The following ZNF607 variants were observed in gnomAD, a reference collection of about 807,000 sequenced individuals.
ZNF607 encodes zinc finger protein 607.
In ZNF607, 5 loss-of-function variants were observed where a neutral mutation model predicts 12.8. The observed-to-expected ratio is 0.39, with a 90% confidence interval of 0.20 to 0.82. The LOEUF is 0.82. Among genes scored for constraint, ZNF607 ranks in the 40% least tolerant of loss-of-function variants. The pLI, the probability that ZNF607 is intolerant of heterozygous loss-of-function variation, is 0.39. For missense variants in ZNF607, 851 were observed against 859.2 expected, an observed-to-expected ratio of 0.99 and a Z score of 0.12; for synonymous variants, 287 against 276.2, an observed-to-expected ratio of 1.04 and a Z score of -0.39.
chr19:37,699,566 C>T lies in ZNF607; in HGVS notation c.565G>A (p.Gly189Arg). The T allele has an allele frequency of 6.2e-7, 1 of 1,614,014 alleles. No individual in the cohort carries two copies. The highest frequency in any genetic ancestry group is 8.5e-7 in the Non-Finnish European group (1 of 1,180,006). The part of the protein sequence containing the change: ...FSYPANLAQH[G>R]KVHVEKPYEC... ...TAGGGTTTCTCAACATGAACTTTCCCATGTTGAGCAAGGTTTGCAGGATAA... is the reference window on the plus strand; with the variant it reads ...TAGGGTTTCTCAACATGAACTTTCCTATGTTGAGCAAGGTTTGCAGGATAA... The change falls in exon 5 of 5, where the codon GGG becomes AGG. Residue 189 changes from glycine (G) to arginine (R), a missense_variant. Physicochemically the swap from Gly to Arg is moderately radical, Grantham distance 125. Coordinates refer to ENST00000355202, the MANE Select transcript of ZNF607 (RefSeq NM_032689.5).
At chr19:37,712,296 A>AT (rs1568407365) in intron 1 of ZNF607, among the ~76,000 whole-genome samples, 1 of 152,218 alleles carries the variant, frequency 6.6e-6, no homozygotes, top group Admixed American at 6.6e-5. Context: ...CAATACATTT[A>AT]TTTTTGTAAA....
At chr19:37,707,830 G>A in intron 4 of ZNF607, 84 bp downstream of exon 4, 1 of 1,013,234 alleles carries the variant, frequency 9.9e-7, no homozygotes, top group South Asian at 1.5e-5. Flanking sequence ...AATGTTTCAA[G>A]GATGCGTTTA....
chr19:37,699,707 C>T lies in ZNF607; in HGVS notation c.424G>A (p.Asp142Asn). The T allele has an allele frequency of 6.2e-7, 1 of 1,614,044 alleles. No individual in the cohort carries two copies. The highest frequency in any genetic ancestry group is 1.3e-5 in the African/African-American group (1 of 75,032). ...HQTIHTSEEP[D>N]QCEKFRKAFS... ...GCCTTCCTAAACTTTTCACATTGAT[C>T]AGGTTCCTCACTAGTATGAATTGTT... The change falls in exon 5 of 5, where the codon GAT becomes AAT. Residue 142 changes from aspartate to asparagine, a missense_variant. Asp to Asn is a conservative substitution (Grantham distance 23). Transcript: ENST00000355202.
In ZNF607 at chr19:37,697,074, A is replaced by G; in HGVS notation, c.*966T>C. 1 of 741,936 alleles carries G rather than the reference A, an allele frequency of 1.3e-6. No homozygotes were observed. Among genetic ancestry groups the G allele is most frequent in the East Asian group, 2.6e-5 (1 of 38,722 alleles). The allele number at this position is 741,936 out of a possible 1,614,324, so 46.0% of individuals were successfully genotyped here. Reference sequence around the variant, plus strand: ...CACACACTCATCGTAGTCCTCTCCAATGCTGGTGAAGATGCGAGGAAGCTG... The same window carrying G: ...CACACACTCATCGTAGTCCTCTCCAGTGCTGGTGAAGATGCGAGGAAGCTG... On this transcript the variant is annotated 3_prime_UTR_variant, in exon 5 of 5. Coordinates refer to ENST00000355202, the MANE Select transcript of ZNF607 (RefSeq NM_032689.5).
rs142136563 is a variant in ZNF607 at position 37,709,756 on chromosome 19, C to T, written c.76G>A (p.Val26Ile). Residue 26 changes from valine to isoleucine, a missense_variant, in exon 3 of 5, where the codon GTT (valine) becomes ATT (isoleucine). By Grantham distance (29) the Val-to-Ile change is conservative (BLOSUM62 3). Coordinates refer to ENST00000355202, the MANE Select transcript of ZNF607 (RefSeq NM_032689.5). Reference protein sequence around the residue: ...SHQEWEYLSLVQKTLYQEVMM... With the variant: ...SHQEWEYLSLIQKTLYQEVMM... ...ACCTCCTGGTACAAGGTCTTCTGAACCAGGCTGAGATATTCCCACTCCTGA... is the reference window on the plus strand; with the variant it reads ...ACCTCCTGGTACAAGGTCTTCTGAATCAGGCTGAGATATTCCCACTCCTGA... 15 of 1,614,136 alleles carry T rather than the reference C, an allele frequency of 9.3e-6. No homozygotes were observed. The East Asian group carries it at 1.1e-4, about 12-fold the overall frequency.
chr19:37,708,321 G>A (rs935927398), intron 3 of ZNF607, among the ~76,000 whole-genome samples: 4 of 151,424 alleles, frequency 2.6e-5, no homozygotes, highest in Non-Finnish European at 4.4e-5. Flanking sequence ...TCAGTCTCCT[G>A]AGTAGCTGGG....
At chr19:37,710,358 C>A (rs1489391549) in intron 2 of ZNF607, among the ~76,000 whole-genome samples, 2 of 151,390 alleles carry the variant, frequency 1.3e-5, no homozygotes, top group Admixed American at 1.3e-4. Flanking sequence ...CCCAGCTACT[C>A]AGGAGGCTGA....
chr19:37,713,214 A>C (rs961159534), intron 1 of ZNF607, among the ~76,000 whole-genome samples: 1 of 151,998 alleles, frequency 6.6e-6, no homozygotes, highest in Non-Finnish European at 1.5e-5. Flanking sequence ...TGCTATACTC[A>C]GACTGATGTC....
At chr19:37,701,357 CGATTACCTACTCCACCCTAAATCATTCT>C (rs2045037164) in intron 4 of ZNF607, among the ~76,000 whole-genome samples, 1 of 152,156 alleles carries the variant, frequency 6.6e-6, no homozygotes, top group African/African-American at 2.4e-5. Context: ...CAACCTTTTT[CGATTACCTACTCCACCCTAAATCATTCT>C]GATCACCTGC....
At chr19:37,711,483 T>C (rs1373333535) in intron 2 of ZNF607, 127 bp downstream of exon 2, 3 of 943,926 alleles carry the variant, frequency 3.2e-6, no homozygotes, top group African/African-American at 3.3e-5. Context: ...ACTGGAAGAA[T>C]GAGAACTGGA....
At chr19:37,707,782 A>G in intron 4 of ZNF607, 132 bp downstream of exon 4, 1 of 676,614 alleles carries the variant, frequency 1.5e-6, no homozygotes, top group Non-Finnish European at 2.5e-6. Context: ...TCTTCTCCAC[A>G]TCAGAAGCCT....
In ZNF607 at chr19:37,698,746, G is replaced by A. The variant is rs2045005552; in HGVS notation, c.1385C>T (p.Ser462Leu). ...KECGKSFRCA[S>L]YLVIHERIHT... is the part of the protein sequence containing the mutation. ...AATTCTCTCATGTATAACAAGATAT[G>A]AGGCACAACGAAAGGACTTCCCACA... Residue 462 changes from serine (S) to leucine (L), a missense_variant, in exon 5 of 5, where the codon TCA (serine) becomes TTA (leucine). Coordinates refer to ENST00000355202, the MANE Select transcript of ZNF607 (RefSeq NM_032689.5). The A allele has an allele frequency of 1.2e-6, 2 of 1,613,364 alleles. No homozygotes were observed. The highest frequency in any genetic ancestry group is 1.7e-6 in the Non-Finnish European group (2 of 1,179,412).
chr19:37,703,219 G>C (rs929045553), intron 4 of ZNF607, among the ~76,000 whole-genome samples: 3 of 149,286 alleles, frequency 2.0e-5, no homozygotes, highest in African/African-American at 7.4e-5. Flanking sequence ...AGAGTGATGA[G>C]ATTACAGGCG....
rs765597370 is a variant in ZNF607 at position 37,709,739 on chromosome 19, G to A, written c.93C>T (p.Tyr31=). The change falls in exon 3 of 5, where the codon TAC becomes TAT. Residue 31 remains tyrosine, a synonymous_variant. Coordinates refer to ENST00000355202, the MANE Select transcript of ZNF607 (RefSeq NM_032689.5). ...CATAGTTCTCCATCATCACCTCCTG[G>A]TACAAGGTCTTCTGAACCAGGCTGA... ...EYLSLVQKTL[Y]QEVMMENYDN... is the part of the protein sequence containing the mutation. 8.1e-6 allele frequency: 13 copies of A among 1,614,048 alleles called. No homozygotes were observed. The highest frequency in any genetic ancestry group is 1.1e-5 in the Non-Finnish European group (13 of 1,179,938).
At chr19:37,704,066 G>A (rs1312275373) in intron 4 of ZNF607, among the ~76,000 whole-genome samples, 5 of 152,064 alleles carry the variant, frequency 3.3e-5, no homozygotes, top group Admixed American at 2.0e-4. Flanking sequence ...CCCCGGAGGC[G>A]GAGGTTGCAG....
At chr19:37,703,818 A>G (rs148668583) in intron 4 of ZNF607, among the ~76,000 whole-genome samples, 2 of 152,308 alleles carry the variant, frequency 1.3e-5, no homozygotes, top group East Asian at 3.9e-4. Flanking sequence ...ATTGAAATGC[A>G]ATGAAAAATA....
In ZNF607 at chr19:37,711,592, C is replaced by G. The variant is rs757593535; in HGVS notation, c.9+18G>C. Reference sequence around the variant, plus strand: ...AAATCACACACAAACCTCCACATGGCGAGAAATATCAACTTACATAGGACA... The same window carrying G: ...AAATCACACACAAACCTCCACATGGGGAGAAATATCAACTTACATAGGACA... On this transcript the variant is annotated intron_variant, in intron 2 of 4. Transcript: ENST00000355202. 6.2e-7 allele frequency: 1 copy of G among 1,613,546 alleles called. No homozygotes were observed. Among genetic ancestry groups the G allele is most frequent in the Non-Finnish European group, 8.5e-7 (1 of 1,179,580 alleles).
Position 37,699,403 on chromosome 19 carries a change from T to C in ZNF607, c.728A>G (p.His243Arg). ...AFSVYGRLSR[H>R]QSIHTGEKPF... is the part of the protein sequence containing the mutation. ...CTTCTCACCAGTGTGAATACTCTGA[T>C]GTCGACTAAGTCGTCCATACACACT... The change falls in exon 5 of 5, where the codon CAT becomes CGT. Residue 243 changes from histidine to arginine, a missense_variant. Physicochemically the swap from His to Arg is conservative, Grantham distance 29. Coordinates refer to ENST00000355202, the MANE Select transcript of ZNF607 (RefSeq NM_032689.5). The C allele has an allele frequency of 1.2e-6, 2 of 1,614,206 alleles. No homozygotes were observed. The highest frequency in any genetic ancestry group is 1.7e-6 in the Non-Finnish European group (2 of 1,180,028).
intron 1 of ZNF607, among the ~76,000 whole-genome samples, chr19:37,717,081 T>C (rs1265277563): frequency 1.3e-5 from 2 of 152,250 alleles, no homozygotes; most frequent in African/African-American, 4.8e-5. Flanking sequence ...GCTCAGTAAA[T>C]GTAGCCACAA....
Sources: allele counts gnomAD v4.1 joint callset (sites outside exome capture counted in the v4.1 genomes callset), GRCh38; gene constraint gnomAD v4.1.1; transcripts MANE v1.5; gene names NCBI Gene and HGNC (gene_info 2026-07-23, HGNC 2026-07-21).